Variants in MAMLD1 observed in about 807,000 individuals in gnomAD.
MAMLD1 encodes mastermind-like domain-containing protein 1.
In MAMLD1, 14 loss-of-function variants were observed where a neutral mutation model predicts 45.0. The ratio of observed to expected loss-of-function variants is 0.31; its 90% CI spans 0.21 to 0.49. The LOEUF (loss-of-function observed/expected upper bound fraction) is 0.49, where lower values mean the gene tolerates loss of function less well. Ranked by LOEUF, MAMLD1 falls within the 20% of genes least tolerant of loss-of-function variation. The pLI is 0.99. For missense variants in MAMLD1, 543 were observed against 603.6 expected, an observed-to-expected ratio of 0.90 and a Z score of 1.05; for synonymous variants, 254 against 247.8, an observed-to-expected ratio of 1.02 and a Z score of -0.24.
intron 2 of MAMLD1, among the ~76,000 whole-genome samples, chrX:150,450,925 T>C (rs1557405042): frequency 8.9e-6 from 1 of 112,886 alleles, no homozygotes; most frequent in Non-Finnish European, 1.9e-5. Context: ...CTTTGCTCCC[T>C]CCTCCTTTTT....
chrX:150,452,900 A>G (rs781849771), intron 2 of MAMLD1, among the ~76,000 whole-genome samples: 2 of 109,748 alleles, frequency 1.8e-5, no homozygotes, highest in South Asian at 8.0e-4. Context: ...ATGATTTCCA[A>G]TTTCATCCAT....
chrX:150,413,177 C>T (rs1329810135), intron 1 of MAMLD1, among the ~76,000 whole-genome samples: 2 of 111,817 alleles, frequency 1.8e-5, no homozygotes, highest in African/African-American at 6.5e-5. Flanking sequence ...CAGATCACCG[C>T]TCCTACTTAT....
chrX:150,471,565 G>T (rs2036432560), intron 4 of MAMLD1, 75 bp downstream of exon 4: 2 of 1,199,425 alleles, frequency 1.7e-6, no homozygotes, highest in Admixed American at 4.4e-5. Flanking sequence ...CCAATATCTG[G>T]CTCTGGAGGG....
chrX:150,465,612 C>G (rs1369353382), intron 3 of MAMLD1, among the ~76,000 whole-genome samples: 2 of 112,418 alleles, frequency 1.8e-5, no homozygotes, highest in East Asian at 2.8e-4. Context: ...CACTCCCTCC[C>G]CCTTCCTCAC....
intron 1 of MAMLD1, among the ~76,000 whole-genome samples, chrX:150,389,249 G>T (rs1044460208): frequency 1.9e-4 from 21 of 111,219 alleles, no homozygotes; most frequent in African/African-American, 5.6e-4. Flanking sequence ...GTTTCGCCAT[G>T]TTGCCCAGGC....
chrX:150,375,043 C>A (rs782294390), intron 1 of MAMLD1, among the ~76,000 whole-genome samples: 1 of 110,139 alleles, frequency 9.1e-6, no homozygotes, highest in Non-Finnish European at 1.9e-5. Context: ...TGTGGGGGGT[C>A]TGCTTAGGAG....
chrX:150,434,249 A>G (rs1397614456), intron 1 of MAMLD1, among the ~76,000 whole-genome samples: 8 of 111,100 alleles, frequency 7.2e-5, no homozygotes, highest in African/African-American at 2.6e-4. Context: ...CAGTGATAAC[A>G]TGCCTTTTGT....
rs368568633 is a variant in MAMLD1, at chrX:150,510,004, C to A, written c.*2C>A. The A allele has an allele frequency of 1.7e-6, 2 of 1,205,381 alleles. No individual in the cohort carries two copies. The highest frequency in any genetic ancestry group is 3.5e-5 in the African/African-American group (2 of 57,075). On this transcript the variant is annotated 3_prime_UTR_variant, in exon 7 of 8. Coordinates refer to ENST00000370401, the MANE Select transcript of MAMLD1 (RefSeq NM_005491.5). ...AGGTCTTATGGCAATGACCCCTGAA[C>A]GGCAGAATGCATATATCTCCCAACA...
At chrX:150,504,687 T>C in intron 6 of MAMLD1, 4 of 749,854 alleles carry the variant, frequency 5.3e-6, no homozygotes, top group Non-Finnish European at 6.3e-6. Flanking sequence ...TGAAAGGATA[T>C]CAGCTAGCTT....
intron 4 of MAMLD1, 26 bp downstream of exon 4, chrX:150,471,516 G>C (rs1557406573): frequency 8.3e-7 from 1 of 1,210,485 alleles, no homozygotes; most frequent in African/African-American, 1.7e-5. Context: ...ATCTGGCTGT[G>C]TTCTTTTGTT....
In MAMLD1 at chrX:150,473,016, T is replaced by C. The variant is rs1026332264; in HGVS notation, c.1918-664T>C. Among the ~76,000 whole-genome samples, 11 of 112,556 alleles carry C rather than the reference T, an allele frequency of 9.8e-5. No individual in the cohort carries two copies. In the Admixed American group the frequency reaches 1.0e-3, roughly 11 times the overall value. On this transcript the variant is annotated intron_variant, in intron 4 of 7. Coordinates refer to ENST00000370401, the MANE Select transcript of MAMLD1 (RefSeq NM_005491.5). ...GAGTCGTCTTGCTAAAACAGTGACC[T>C]GATCATGTTTTACACTTGCTCAGAA...
rs188598603 is a variant in MAMLD1, at chrX:150,422,722, T to G, written c.-63-22732T>G. Among the ~76,000 whole-genome samples the G allele has an allele frequency of 2.7e-5, 3 of 112,292 alleles. No homozygotes were observed. The East Asian group carries it at 8.4e-4, about 31-fold the overall frequency. On this transcript the variant is annotated intron_variant, in intron 1 of 7. Coordinates refer to ENST00000370401, the MANE Select transcript of MAMLD1 (RefSeq NM_005491.5). ...GTGAGCCACTGGGCCTAGCCTGGAC[T>G]TTATAATCTCTAGTTTTCCCTCCTG...
chrX:150,508,311 G>A (rs1168917063), intron 6 of MAMLD1, among the ~76,000 whole-genome samples: 1 of 112,049 alleles, frequency 8.9e-6, no homozygotes. Context: ...TGGGTGAGAC[G>A]TGCTCAGTAT....
intron 1 of MAMLD1, among the ~76,000 whole-genome samples, chrX:150,398,287 G>C (rs1015726427): frequency 9.9e-5 from 8 of 80,415 alleles, no homozygotes; most frequent in African/African-American, 3.9e-4. Flanking sequence ...AGAAGAAGAA[G>C]AAGAAGAAGA....
intron 1 of MAMLD1, among the ~76,000 whole-genome samples, chrX:150,373,364 G>C (rs2032127936): frequency 9.0e-6 from 1 of 111,231 alleles, no homozygotes. Flanking sequence ...TGCCTAGTTT[G>C]GGTCCACCGA....
chrX:150,423,256 T>G, intron 1 of MAMLD1, among the ~76,000 whole-genome samples: 1 of 111,651 alleles, frequency 9.0e-6, no homozygotes, highest in East Asian at 2.8e-4. Context: ...ATTTTCCTCC[T>G]GCCTAGTGCA....
At chrX:150,502,085 A>G (rs190229097) in intron 5 of MAMLD1, among the ~76,000 whole-genome samples, 1 of 113,243 alleles carries the variant, frequency 8.8e-6, no homozygotes, top group East Asian at 2.7e-4. Context: ...TAGTGCCTAA[A>G]GCACAGCAAA....
At chrX:150,398,293 GAAGAA>G (rs2033547137) in intron 1 of MAMLD1, among the ~76,000 whole-genome samples, 1 of 87,658 alleles carries the variant, frequency 1.1e-5, no homozygotes, top group East Asian at 3.5e-4. Flanking sequence ...AGAAGAAGAA[GAAGAA>G]GAAGAAGAAG....
intron 5 of MAMLD1, among the ~76,000 whole-genome samples, chrX:150,501,775 CT>C (rs2037562399): frequency 8.9e-6 from 1 of 112,334 alleles, no homozygotes; most frequent in South Asian, 3.7e-4. Flanking sequence ...CTTGCCTGTA[CT>C]TTTCTTAATG....
Sources: gnomAD v4.1 joint callset for allele counts (sites outside exome capture counted in the v4.1 genomes callset) on GRCh38, gnomAD v4.1.1 for gene constraint, MANE v1.5 for transcripts, NCBI Gene and HGNC (gene_info 2026-07-23, HGNC 2026-07-21) for gene names.